STK33: variants seen among roughly 807,000 people sequenced by gnomAD.
STK33 encodes serine/threonine-protein kinase 33.
STK33 carries 52 observed loss-of-function variants against 58.0 expected under a neutral mutation model. The ratio of observed to expected loss-of-function variants is 0.90; its 90% confidence interval spans 0.72 to 1.13. The LOEUF is 1.13. STK33 is among the 50% of genes most tolerant of loss of function. The pLI is 0.00. For missense variants in STK33, 630 were observed against 604.2 expected (o/e 1.04, Z -0.45); for synonymous variants, 215 against 200.1 (o/e 1.07, Z -0.63).
At chr11:8,493,125 C>CA (rs1319935362) in intron 1 of STK33, among the ~76,000 whole-genome samples, 1 of 151,882 alleles carries the variant, frequency 6.6e-6, no homozygotes, top group Non-Finnish European at 1.5e-5. Context: ...GATAGAGACA[C>CA]AAAAAACCCT....
intron 1 of STK33, among the ~76,000 whole-genome samples, chr11:8,584,806 C>T (rs929349404): frequency 7.2e-5 from 11 of 152,084 alleles, no homozygotes; most frequent in African/African-American, 2.4e-4. Context: ...AAGGTCATAA[C>T]CCTAAGGTAA....
chr11:8,569,964 T>C (rs757371231), intron 1 of STK33, among the ~76,000 whole-genome samples: 3 of 151,368 alleles, frequency 2.0e-5, no homozygotes, highest in Non-Finnish European at 2.9e-5. Context: ...AATAAATAAA[T>C]AGATAAATAA....
At chr11:8,369,327 GTGTGTA>G in the STK33 span, among the ~76,000 whole-genome samples, 3 of 149,776 alleles carry the variant, frequency 2.0e-5, no homozygotes, top group African/African-American at 7.4e-5. Context: ...GTGTGTGTGT[GTGTGTA>G]TAATCAGAAA....
chr11:8,493,618 AC>A, intron 1 of STK33, among the ~76,000 whole-genome samples: 1 of 152,332 alleles, frequency 6.6e-6, no homozygotes, highest in Admixed American at 6.5e-5. Flanking sequence ...TCATCCTGAT[AC>A]CAAAGCCTGG....
the STK33 span, among the ~76,000 whole-genome samples, chr11:8,338,087 C>T: frequency 6.6e-6 from 1 of 152,238 alleles, no homozygotes; most frequent in Non-Finnish European, 1.5e-5. Flanking sequence ...GGCTTCTGCC[C>T]CTTTTGTTCA....
chr11:8,559,729 A>G (rs1024664000), intron 1 of STK33, among the ~76,000 whole-genome samples: 1 of 152,180 alleles, frequency 6.6e-6, no homozygotes, highest in Non-Finnish European at 1.5e-5. Context: ...ATAAAAACTG[A>G]AAGAGTCCAG....
intron 14 of STK33, among the ~76,000 whole-genome samples, chr11:8,415,223 A>G (rs775982598): frequency 2.6e-5 from 4 of 152,034 alleles, no homozygotes; most frequent in African/African-American, 9.7e-5. Flanking sequence ...TGACACATCT[A>G]AGTCTGCAAT....
At chr11:8,457,546 T>C (rs1433650280) in intron 8 of STK33, 67 bp from the exon 9 acceptor site, 8 of 1,295,212 alleles carry the variant, frequency 6.2e-6, no homozygotes, top group Non-Finnish European at 8.5e-6. Context: ...AAATGTTATA[T>C]ATCACATATA....
chr11:8,435,615 T>C, intron 13 of STK33, 36 bp from the exon 14 acceptor site: 1 of 1,263,292 alleles, frequency 7.9e-7, no homozygotes, highest in South Asian at 1.7e-5. Flanking sequence ...AAATCTTATT[T>C]AACTACAATT....
intron 15 of STK33, among the ~76,000 whole-genome samples, chr11:8,400,245 G>C (rs1253099340): frequency 6.6e-6 from 1 of 152,146 alleles, no homozygotes; most frequent in African/African-American, 2.4e-5. Context: ...ACAGAATCCA[G>C]CAGCACATCA....
intron 1 of STK33, among the ~76,000 whole-genome samples, chr11:8,492,070 A>G (rs971668476): frequency 2.0e-5 from 3 of 152,188 alleles, no homozygotes; most frequent in African/African-American, 7.2e-5. Context: ...CATCATAATG[A>G]CAGGATCTAA....
At chr11:8,403,040 C>T (rs534426034) in intron 15 of STK33, among the ~76,000 whole-genome samples, 1 of 152,204 alleles carries the variant, frequency 6.6e-6, no homozygotes, top group South Asian at 2.1e-4. Flanking sequence ...GTGATGAGCT[C>T]CCGTAAGACT....
intron 15 of STK33, among the ~76,000 whole-genome samples, chr11:8,403,458 A>G (rs1938495019): frequency 6.6e-6 from 1 of 152,184 alleles, no homozygotes; most frequent in Admixed American, 6.6e-5. Context: ...TATATAATCA[A>G]AATCTATAAA....
At chr11:8,564,004 C>A (rs183319777) in intron 1 of STK33, among the ~76,000 whole-genome samples, 195 of 152,256 alleles carry the variant, frequency 1.3e-3, no homozygotes, top group African/African-American at 4.5e-3. Flanking sequence ...TCTATAGGGC[C>A]TCATAAGGTA....
the STK33 span, among the ~76,000 whole-genome samples, chr11:8,338,273 C>A: frequency 6.6e-6 from 1 of 152,210 alleles, no homozygotes; most frequent in Non-Finnish European, 1.5e-5. Context: ...AGCCCCGATC[C>A]TCCAGGGAGG....
chr11:8,557,324 AAG>A (rs1375287750), intron 1 of STK33, among the ~76,000 whole-genome samples: 1 of 137,562 alleles, frequency 7.3e-6, no homozygotes, highest in African/African-American at 2.8e-5. Flanking sequence ...GGAGAAAAGA[AAG>A]AGGGAGGCAA....
In STK33 at chr11:8,432,398, C is replaced by T. The variant is rs188945236; in HGVS notation, c.1146+3096G>A. On this transcript the variant is annotated intron_variant, in intron 14 of 15. Transcript: ENST00000687296. ...GAAGAAATGAATGAAAGAAAAGAAC[C>T]GGCATACTCCGGCCATTAGAGTCAA... is the stretch of plus-strand genomic sequence containing the variant. 1.9e-3 allele frequency among the ~76,000 whole-genome samples: 294 copies of T among 152,172 alleles called. 1 individual carries two copies. Among genetic ancestry groups the T allele is most frequent in the South Asian group, 5.6e-3 (27 of 4,818 alleles).
At chr11:8,516,023 C>G (rs548922259) in intron 1 of STK33, among the ~76,000 whole-genome samples, 175 of 152,282 alleles carry the variant, frequency 1.1e-3, no homozygotes, top group African/African-American at 4.0e-3. Flanking sequence ...CAATCCTTAC[C>G]AATATCCCAA....
chr11:8,537,889 T>TAA (rs1365609552), intron 1 of STK33, among the ~76,000 whole-genome samples: 7 of 129,976 alleles, frequency 5.4e-5, no homozygotes, highest in Non-Finnish European at 1.2e-4. Context: ...TTTTCTTGAG[T>TAA]AAAAAAAAAA....
Sources: gnomAD v4.1 joint callset for allele counts (sites outside exome capture counted in the v4.1 genomes callset) on GRCh38, gnomAD v4.1.1 for gene constraint, MANE v1.5 for transcripts, NCBI Gene and HGNC (gene_info 2026-07-23, HGNC 2026-07-21) for gene names.